Variants in IRAK2 observed in about 807,000 individuals in gnomAD.
IRAK2 encodes the protein interleukin 1 receptor associated kinase 2.
Under a neutral mutation model 72.0 loss-of-function variants are expected in IRAK2, and 57 were observed. That is an observed-to-expected ratio of 0.79 (90% CI 0.64 to 0.99). The LOEUF is 0.99. Ranked by LOEUF, IRAK2 falls within the 50% of genes least tolerant of loss-of-function variation. IRAK2 has a pLI of 0.00. For missense variants in IRAK2, 790 were observed against 794.4 expected (o/e 0.99, Z 0.07); for synonymous variants, 293 against 312.7 (o/e 0.94, Z 0.67).
intron 11 of IRAK2, among the ~76,000 whole-genome samples, chr3:10,235,140 C>G (rs1299539995): frequency 6.6e-6 from 1 of 152,088 alleles, no homozygotes; most frequent in Non-Finnish European, 1.5e-5. Flanking sequence ...GGGCTCCATC[C>G]CTGGATGGTG....
intron 8 of IRAK2, among the ~76,000 whole-genome samples, chr3:10,221,358 A>G (rs1307569473): frequency 2.2e-5 from 3 of 138,490 alleles, no homozygotes; most frequent in Non-Finnish European, 4.5e-5. Context: ...GGTTCACGCC[A>G]TTCTCCTGCC....
intron 7 of IRAK2, among the ~76,000 whole-genome samples, chr3:10,217,544 C>T (rs1310159940): frequency 6.6e-6 from 1 of 152,050 alleles, no homozygotes; most frequent in African/African-American, 2.4e-5. Flanking sequence ...CTAATATATA[C>T]CTATTTGCTT....
At position 10,177,929 on chromosome 3, in the gene IRAK2, G is replaced by T. The variant is rs1178861229; in HGVS notation, c.186G>T (p.Trp62Cys). Residue 62 changes from tryptophan to cysteine, a missense_variant, in exon 2 of 13, where the codon TGG becomes TGT. Physicochemically the swap from Trp to Cys is radical, Grantham distance 215. Transcript: ENST00000256458. ...TGAGCATCACGCGGGAGCTGCTGTG[G>T]TGGTGGGGCATGCGGCAGGCCACCG... ...QGVSITRELL[W>C]WWGMRQATVQ... 1 of 1,613,824 alleles carries T rather than the reference G, an allele frequency of 6.2e-7. No homozygotes were observed. Among genetic ancestry groups the T allele is most frequent in the East Asian group, 2.2e-5 (1 of 44,858 alleles).
chr3:10,200,276 T>C (rs1178749164), intron 2 of IRAK2, 93 bp from the exon 3 acceptor site: 4 of 1,145,280 alleles, frequency 3.5e-6, no homozygotes, highest in Non-Finnish European at 4.9e-6. Context: ...AGAGCCAGAA[T>C]TAGAACCCAG....
intron 12 of IRAK2, among the ~76,000 whole-genome samples, chr3:10,239,821 A>G (rs1698024473): frequency 6.6e-6 from 1 of 152,128 alleles, no homozygotes; most frequent in Non-Finnish European, 1.5e-5. Flanking sequence ...TCTCCTCTCA[A>G]CACAAACACC....
chr3:10,220,056 C>G (rs896567273), intron 8 of IRAK2, among the ~76,000 whole-genome samples: 2 of 152,240 alleles, frequency 1.3e-5, no homozygotes, highest in Non-Finnish European at 2.9e-5. Flanking sequence ...GTTTTCCCAA[C>G]AAGCCCTCCA....
intron 4 of IRAK2, 67 bp downstream of exon 4, chr3:10,209,759 G>A (rs986892878): frequency 8.2e-6 from 8 of 972,542 alleles, no homozygotes; most frequent in Non-Finnish European, 1.0e-5. Flanking sequence ...TCTCAAAAAT[G>A]CAATTTCTCT....
chr3:10,183,720 A>T (rs3864021), intron 2 of IRAK2, among the ~76,000 whole-genome samples: 43,641 of 151,088 alleles, frequency 0.29, 7,351 homozygotes, highest in Admixed American at 0.42. Flanking sequence ...ACTCCGTCTC[A>T]AAATAAATAA....
At chr3:10,200,215 G>A (rs263409) in intron 2 of IRAK2, among the ~76,000 whole-genome samples, 154 bp from the exon 3 acceptor site, 138,610 of 152,216 alleles carry the variant, frequency 0.91, 63,157 homozygotes, top group Non-Finnish European at 0.92. Context: ...GGGGAGGCCG[G>A]GGCCAGAAAG....
intron 7 of IRAK2, among the ~76,000 whole-genome samples, chr3:10,217,888 C>T (rs1403089384): frequency 1.3e-5 from 2 of 152,256 alleles, no homozygotes; most frequent in South Asian, 2.1e-4. Context: ...AAGGGTTTTA[C>T]GTAGGTCATC....
At chr3:10,210,737 T>C (rs1024801385) in intron 4 of IRAK2, among the ~76,000 whole-genome samples, 6 of 152,156 alleles carry the variant, frequency 3.9e-5, no homozygotes, top group Admixed American at 2.0e-4. Context: ...AATAAATAGA[T>C]CAACCTTCCA....
At chr3:10,222,299 A>T (rs907177035) in intron 8 of IRAK2, among the ~76,000 whole-genome samples, 6 of 152,138 alleles carry the variant, frequency 3.9e-5, no homozygotes, top group Non-Finnish European at 8.8e-5. Flanking sequence ...GGGTTGGAAC[A>T]GTTGTGGAAG....
At chr3:10,211,643 T>A (rs980696714) in intron 4 of IRAK2, among the ~76,000 whole-genome samples, 3 of 151,960 alleles carry the variant, frequency 2.0e-5, no homozygotes, top group African/African-American at 7.2e-5. Context: ...ACTATGTGTG[T>A]GGCATGATAC....
At chr3:10,229,211 G>A (rs1280651450) in intron 10 of IRAK2, among the ~76,000 whole-genome samples, 1 of 152,112 alleles carries the variant, frequency 6.6e-6, no homozygotes, top group East Asian at 1.9e-4. Flanking sequence ...AAAGTGTTGG[G>A]ATTACAGGAG....
chr3:10,197,279 G>C (rs1697283337), intron 2 of IRAK2, among the ~76,000 whole-genome samples: 1 of 151,804 alleles, frequency 6.6e-6, no homozygotes, highest in South Asian at 2.1e-4. Context: ...CAGCTACTCA[G>C]GAGGCTGAGG....
intron 3 of IRAK2, among the ~76,000 whole-genome samples, chr3:10,207,146 A>T (rs1697445542): frequency 1.3e-5 from 2 of 151,736 alleles, no homozygotes; most frequent in South Asian, 4.2e-4. Flanking sequence ...GCTGGAGTGC[A>T]GTGGCACAAT....
intron 1 of IRAK2, among the ~76,000 whole-genome samples, chr3:10,174,684 T>C (rs1469965029): frequency 6.6e-6 from 1 of 151,926 alleles, no homozygotes; most frequent in East Asian, 1.9e-4. Flanking sequence ...ACCACCACGC[T>C]TGGCTAATTT....
In IRAK2 at chr3:10,165,017, C is replaced by T. The variant is rs776649062; in HGVS notation, c.63C>T (p.Asp21=). 3.7e-6 allele frequency: 6 copies of T among 1,611,684 alleles called. No homozygotes were observed. The East Asian group carries it at 1.3e-4, about 36-fold the overall frequency. ...WVLDDLCRNM[D]ALSEWDWMEF... ...TGGACGACCTGTGCCGCAACATGGA[C>T]GCGCTCAGCGAGTGGGACTGGATGG... Residue 21 remains aspartate (D), a synonymous_variant, in exon 1 of 13, where the codon GAC becomes GAT. Transcript: ENST00000256458.
intron 2 of IRAK2, among the ~76,000 whole-genome samples, chr3:10,188,878 T>C (rs547578044): frequency 4.6e-5 from 7 of 152,284 alleles, no homozygotes; most frequent in African/African-American, 1.7e-4. Context: ...GCCAGGCTGG[T>C]CTTGAATCCC....
Sources: allele counts gnomAD v4.1 joint callset (sites outside exome capture counted in the v4.1 genomes callset), GRCh38; gene constraint gnomAD v4.1.1; transcripts MANE v1.5; gene names NCBI Gene and HGNC (gene_info 2026-07-23, HGNC 2026-07-21).